The following LRRC40 variants were observed in gnomAD, a reference collection of about 807,000 sequenced individuals.
LRRC40 encodes the protein leucine rich repeat containing 40.
Under a neutral mutation model 72.8 loss-of-function variants are expected in LRRC40, and 76 were observed. The ratio of observed to expected loss-of-function variants is 1.04; its 90% CI spans 0.87 to 1.26. LRRC40 has a LOEUF of 1.26. Ranked by LOEUF, LRRC40 falls within the 50% of genes most tolerant of loss-of-function variation. The pLI is 0.00. For missense variants in LRRC40, 684 were observed against 698.9 expected (o/e 0.98, Z 0.24); for synonymous variants, 243 against 254.2 (o/e 0.96, Z 0.42).
chr1:70,172,222 T>G (rs1281838386), intron 9 of LRRC40, among the ~76,000 whole-genome samples: 1 of 152,184 alleles, frequency 6.6e-6, no homozygotes, highest in African/African-American at 2.4e-5. Context: ...AATCTGCTGG[T>G]GCTTTGATCA....
chr1:70,198,725 T>C (rs143668930), intron 1 of LRRC40, among the ~76,000 whole-genome samples: 214 of 152,320 alleles, frequency 1.4e-3, no homozygotes, highest in African/African-American at 4.6e-3. Flanking sequence ...TATGAATACA[T>C]ATTAATTAAT....
intron 9 of LRRC40, among the ~76,000 whole-genome samples, chr1:70,159,939 A>G (rs1281993831): frequency 6.6e-6 from 1 of 152,198 alleles, no homozygotes. Flanking sequence ...TTTATATGTT[A>G]AGATTTTTTT....
At chr1:70,157,840 A>T (rs1420134859) in intron 10 of LRRC40, among the ~76,000 whole-genome samples, 1 of 152,120 alleles carries the variant, frequency 6.6e-6, no homozygotes, top group Non-Finnish European at 1.5e-5. Flanking sequence ...ATGGTGGCTT[A>T]TGCCTGTAAT....
At chr1:70,187,378 TATC>T in intron 2 of LRRC40, 40 bp from the exon 3 acceptor site, 1 of 973,830 alleles carries the variant, frequency 1.0e-6, no homozygotes. Context: ...TTCTTAGTCT[TATC>T]ATTAACAATA....
chr1:70,154,564 T>C (rs1444932010), intron 11 of LRRC40, among the ~76,000 whole-genome samples: 1 of 152,206 alleles, frequency 6.6e-6, no homozygotes, highest in East Asian at 1.9e-4. Flanking sequence ...AGATCCCTTT[T>C]GCAATGGACT....
intron 9 of LRRC40, among the ~76,000 whole-genome samples, chr1:70,162,205 C>T (rs1667779564): frequency 6.6e-6 from 1 of 151,788 alleles, no homozygotes; most frequent in Non-Finnish European, 1.5e-5. Context: ...GTTGGAAGAA[C>T]GAACCTTAGG....
chr1:70,150,019 T>C (rs1667431616), intron 13 of LRRC40, among the ~76,000 whole-genome samples: 1 of 152,022 alleles, frequency 6.6e-6, no homozygotes, highest in African/African-American at 2.4e-5. Context: ...CTCCTGGGGT[T>C]CAAGCGATTC....
intron 1 of LRRC40, among the ~76,000 whole-genome samples, chr1:70,194,587 T>C (rs1668568597): frequency 6.6e-6 from 1 of 151,918 alleles, no homozygotes; most frequent in South Asian, 2.1e-4. Context: ...AATTCTAAAA[T>C]GTGTATTGAA....
At position 70,165,644 on chromosome 1, in the gene LRRC40, A is replaced by T. The variant is rs535323360; in HGVS notation, c.1112-6206T>A. On this transcript the variant is annotated intron_variant, in intron 9 of 14. Coordinates refer to ENST00000370952, the MANE Select transcript of LRRC40 (RefSeq NM_017768.5). Reference sequence around the variant, plus strand: ...CTACCTCTAAAACTGAGAAAAGAGTAGTTAAAAAGCAGAGAAGAAAAGCTG... The same window carrying T: ...CTACCTCTAAAACTGAGAAAAGAGTTGTTAAAAAGCAGAGAAGAAAAGCTG... 2.3e-3 allele frequency among the ~76,000 whole-genome samples: 355 copies of T among 152,282 alleles called. 1 individual carries two copies. Among genetic ancestry groups the T allele is most frequent in the African/African-American group, 7.7e-3 (320 of 41,558 alleles).
At chr1:70,161,856 T>C (rs1314112765) in intron 9 of LRRC40, among the ~76,000 whole-genome samples, 1 of 152,164 alleles carries the variant, frequency 6.6e-6, no homozygotes, top group Non-Finnish European at 1.5e-5. Context: ...GGTACTATTA[T>C]AAGTAAGAGA....
intron 4 of LRRC40, among the ~76,000 whole-genome samples, chr1:70,181,584 A>G (rs1474078641): frequency 6.6e-6 from 1 of 152,098 alleles, no homozygotes; most frequent in East Asian, 1.9e-4. Flanking sequence ...AGAATTAGGC[A>G]TATTATTAAT....
chr1:70,186,989 C>A, intron 3 of LRRC40, among the ~76,000 whole-genome samples: 1 of 149,526 alleles, frequency 6.7e-6, no homozygotes, highest in African/African-American at 2.5e-5. Flanking sequence ...TAACAAACCA[C>A]TAAGAATTGT....
chr1:70,155,703 A>G lies in LRRC40; in HGVS notation c.1314T>C (p.Cys438=). ...TSINFSKNQL[C]EIPKRMVELK... ...ATAGTTCTTACCTTTTTGGAATTTC[A>G]CATAGTTGATTCTTACTGAAGTTAA... The change falls in exon 11 of 15, where the codon TGT becomes TGC. Residue 438 remains cysteine, a synonymous_variant. Transcript: ENST00000370952. 1 of 1,529,672 alleles carries G rather than the reference A, an allele frequency of 6.5e-7. No homozygotes were observed. The highest frequency in any genetic ancestry group is 8.9e-7 in the Non-Finnish European group (1 of 1,123,188). The allele number at this position is 1,529,672 out of a possible 1,614,324, so 94.8% of individuals were successfully genotyped here. A position where few individuals can be genotyped will look rare whatever the true frequency, so the allele number is the denominator to read the frequency against.
intron 1 of LRRC40, among the ~76,000 whole-genome samples, chr1:70,200,075 G>C (rs1025566260): frequency 6.6e-6 from 1 of 151,966 alleles, no homozygotes; most frequent in African/African-American, 2.4e-5. Context: ...TCTATTTAAG[G>C]AGGCTACCAT....
intron 14 of LRRC40, chr1:70,147,988 C>T (rs934885181): frequency 6.6e-6 from 1 of 151,904 alleles, no homozygotes; most frequent in East Asian, 1.9e-4. Context: ...GCTTGGAGGA[C>T]AGGGAAGGCT....
chr1:70,197,271 T>C (rs867602959), intron 1 of LRRC40, among the ~76,000 whole-genome samples: 7 of 151,850 alleles, frequency 4.6e-5, no homozygotes, highest in Admixed American at 2.0e-4. Context: ...GGAAGATGTA[T>C]AGATGTATTT....
intron 9 of LRRC40, among the ~76,000 whole-genome samples, chr1:70,171,767 C>T (rs567842507): frequency 1.4e-4 from 22 of 152,172 alleles, no homozygotes; most frequent in African/African-American, 5.1e-4. Flanking sequence ...GGTGCAGTTG[C>T]TTTGGAAAAC....
At chr1:70,202,388 G>T (rs1232552449) in intron 1 of LRRC40, among the ~76,000 whole-genome samples, 1 of 152,216 alleles carries the variant, frequency 6.6e-6, no homozygotes, top group Middle Eastern at 3.4e-3. Flanking sequence ...AAAATACATG[G>T]ATGAACCTTA....
rs1409367833 is a variant in LRRC40 at position 70,152,482 on chromosome 1, TAAAGG to T, written c.1385_1389del (p.Ser462TyrfsTer42). 1 of 1,608,252 alleles carries T rather than the reference TAAAGG, an allele frequency of 6.2e-7. No homozygotes were observed. Among genetic ancestry groups the T allele is most frequent in the Non-Finnish European group, 8.5e-7 (1 of 1,175,390 alleles). The stretch of plus-strand genomic sequence containing the variant: ...TGAAGCACACATAACTCCAAGGATA[TAAAGG>T]AAAGTTTATTAAAACTGAGATCGAC... On this transcript the variant is annotated frameshift_variant, in exon 12 of 15. Transcript: ENST00000370952. LOFTEE classifies it high-confidence loss of function.
Sources: allele counts gnomAD v4.1 joint callset (sites outside exome capture counted in the v4.1 genomes callset), GRCh38; gene constraint gnomAD v4.1.1; transcripts MANE v1.5; gene names NCBI Gene and HGNC (gene_info 2026-07-23, HGNC 2026-07-21).